STAM: variants seen among roughly 807,000 people sequenced by gnomAD.
STAM encodes signal transducing adaptor molecule.
STAM carries 16 observed loss-of-function variants against 63.4 expected under a neutral mutation model. The ratio of observed to expected loss-of-function variants is 0.25; its 90% CI spans 0.17 to 0.38. The LOEUF is 0.38. STAM is among the 10% of genes least tolerant of loss of function. STAM has a pLI of 1.00. For synonymous variants in STAM, 238 were observed against 223.9 expected, an observed-to-expected ratio of 1.06 and a Z score of -0.56; for missense variants, 636 against 657.1, an observed-to-expected ratio of 0.97 and a Z score of 0.35.
chr10:17,655,503 C>T (rs1293151409), intron 1 of STAM, among the ~76,000 whole-genome samples: 2 of 152,130 alleles, frequency 1.3e-5, no homozygotes, highest in African/African-American at 4.8e-5. Flanking sequence ...TAGTGACTAA[C>T]TAGCAGGTGA....
At chr10:17,701,498 T>A in intron 9 of STAM, among the ~76,000 whole-genome samples, 1 of 152,328 alleles carries the variant, frequency 6.6e-6, no homozygotes, top group Non-Finnish European at 1.5e-5. Context: ...GTTTATATAT[T>A]GTTTGGCTGC....
At chr10:17,686,379 T>A (rs1375191670) in intron 4 of STAM, among the ~76,000 whole-genome samples, 1 of 107,550 alleles carries the variant, frequency 9.3e-6, no homozygotes, top group Non-Finnish European at 2.1e-5. Context: ...ACATCCCGCC[T>A]TTTTTTTTTT....
chr10:17,691,457 G>A (rs1447748497), intron 5 of STAM, among the ~76,000 whole-genome samples: 1 of 152,210 alleles, frequency 6.6e-6, no homozygotes, highest in Non-Finnish European at 1.5e-5. Context: ...GGCGGAGCTT[G>A]CAGTGAGCCA....
chr10:17,675,433 AGTGGAGGT>A (rs1554824542), intron 2 of STAM, among the ~76,000 whole-genome samples: 1 of 150,920 alleles, frequency 6.6e-6, no homozygotes, highest in Non-Finnish European at 1.5e-5. Flanking sequence ...GAACCCGGGA[AGTGGAGGT>A]TGCAGTGAAC....
chr10:17,690,354 G>A (rs962375319), intron 5 of STAM, among the ~76,000 whole-genome samples: 2 of 152,196 alleles, frequency 1.3e-5, no homozygotes, highest in African/African-American at 4.8e-5. Flanking sequence ...TCAGGACATA[G>A]AAGAGCAATA....
rs190835237 is a variant in STAM at position 17,650,808 on chromosome 10, A to G, written c.40+6429A>G. Among the ~76,000 whole-genome samples, 1,078 of 152,234 alleles carry G rather than the reference A, an allele frequency of 7.1e-3. 4 individuals are homozygous for G. The highest frequency in any genetic ancestry group is 0.024 in the Middle Eastern group (7 of 294). On this transcript the variant is annotated intron_variant, in intron 1 of 13. Coordinates refer to ENST00000377524, the MANE Select transcript of STAM (RefSeq NM_003473.4). ...GGGCTGGGCGCGGTGGCTCACGCCT[A>G]TAATCCCAGCACTTTGGGAGGCCGA...
intron 12 of STAM, among the ~76,000 whole-genome samples, chr10:17,706,311 TAC>T (rs1404928670): frequency 2.0e-5 from 3 of 149,838 alleles, no homozygotes; most frequent in African/African-American, 4.9e-5. Flanking sequence ...TGAAAAAAAT[TAC>T]AGATATATCC....
chr10:17,695,227 A>C lies in STAM; in HGVS notation c.714A>C (p.Thr238=). 4 of 1,613,656 alleles carry C rather than the reference A, an allele frequency of 2.5e-6. No individual in the cohort carries two copies. The highest frequency in any genetic ancestry group is 3.4e-6 in the Non-Finnish European group (4 of 1,179,798). ...ELTFKAGEII[T]VLDDSDPNWW... is the part of the protein sequence containing the mutation. ...CTTTTAAAGCTGGAGAAATTATTACAGTTCTTGATGACAGGTAATGTTAAT... is the reference window on the plus strand; with the variant it reads ...CTTTTAAAGCTGGAGAAATTATTACCGTTCTTGATGACAGGTAATGTTAAT... The change falls in exon 7 of 14, where the codon ACA becomes ACC. Residue 238 remains threonine, a synonymous_variant. Transcript: ENST00000377524.
intron 1 of STAM, among the ~76,000 whole-genome samples, chr10:17,651,601 C>A (rs1833744847): frequency 6.6e-6 from 1 of 152,094 alleles, no homozygotes. Flanking sequence ...GTTATCATTT[C>A]TGTTTTATGT....
intron 9 of STAM, among the ~76,000 whole-genome samples, chr10:17,703,441 A>G (rs1278434185): frequency 6.6e-6 from 1 of 151,834 alleles, no homozygotes; most frequent in Non-Finnish European, 1.5e-5. Flanking sequence ...TTAAATAATT[A>G]CTTTGCTTAG....
intron 7 of STAM, 140 bp from the exon 8 acceptor site, chr10:17,696,635 A>G (rs547641301): frequency 5.3e-4 from 303 of 575,230 alleles, no homozygotes; most frequent in African/African-American, 5.2e-3. Context: ...TTTGTAATAA[A>G]GGAAGATTCA....
At chr10:17,678,863 A>G (rs1409497173) in intron 2 of STAM, among the ~76,000 whole-genome samples, 1 of 152,126 alleles carries the variant, frequency 6.6e-6, no homozygotes, top group East Asian at 1.9e-4. Flanking sequence ...ACCTCATGGA[A>G]GTGGAAACAT....
intron 5 of STAM, among the ~76,000 whole-genome samples, chr10:17,689,966 A>T (rs1428071465): frequency 6.6e-6 from 1 of 152,238 alleles, no homozygotes; most frequent in Non-Finnish European, 1.5e-5. Flanking sequence ...CCACAAAGGG[A>T]CTTACTCTTG....
intron 1 of STAM, 79 bp downstream of exon 1, chr10:17,644,458 C>A: frequency 1.3e-6 from 2 of 1,567,318 alleles, no homozygotes; most frequent in Non-Finnish European, 1.8e-6. Context: ...GCATTCAGGA[C>A]CCTCGGGCCA....
At chr10:17,659,065 G>A (rs1293959373) in intron 1 of STAM, among the ~76,000 whole-genome samples, 1 of 151,660 alleles carries the variant, frequency 6.6e-6, no homozygotes, top group Non-Finnish European at 1.5e-5. Flanking sequence ...CAGTTTGCAT[G>A]ATTCCATTTT....
chr10:17,706,791 A>G (rs1235331071), intron 12 of STAM, among the ~76,000 whole-genome samples: 2 of 152,176 alleles, frequency 1.3e-5, no homozygotes, highest in Non-Finnish European at 2.9e-5. Context: ...ACATATCTCA[A>G]TAAAGTAGTT....
chr10:17,704,984 A>G lies in STAM; in HGVS notation c.1015A>G (p.Met339Val), dbSNP rs1188944391. 1 of 1,613,114 alleles carries G rather than the reference A, an allele frequency of 6.2e-7. No individual in the cohort carries two copies. The highest frequency in any genetic ancestry group is 1.7e-5 in the Admixed American group (1 of 59,960). ...TGTCATTTTAGCAATGTGTCACCAG[A>G]TGGGACCTCTCATTGATGAAAAGCT... Reference protein sequence around the residue: ...LLHLEAMCHQMGPLIDEKLED... With the variant: ...LLHLEAMCHQVGPLIDEKLED... Residue 339 changes from methionine to valine, a missense_variant, in exon 11 of 14, where the codon ATG becomes GTG. Physicochemically the swap from Met to Val is conservative, Grantham distance 21 (BLOSUM62 1). Coordinates refer to ENST00000377524, the MANE Select transcript of STAM (RefSeq NM_003473.4).
intron 9 of STAM, among the ~76,000 whole-genome samples, chr10:17,703,329 GA>G (rs1233679027): frequency 6.7e-6 from 1 of 149,864 alleles, no homozygotes; most frequent in Non-Finnish European, 1.5e-5. Flanking sequence ...GACTTGGGAA[GA>G]GTTTTTTTTT....
intron 2 of STAM, among the ~76,000 whole-genome samples, chr10:17,677,684 A>G (rs1834910598): frequency 6.6e-6 from 1 of 152,234 alleles, no homozygotes; most frequent in African/African-American, 2.4e-5. Context: ...AAAAAGTTTT[A>G]GGATTAAAAA....
Sources: gnomAD v4.1 joint callset for allele counts (sites outside exome capture counted in the v4.1 genomes callset) on GRCh38, gnomAD v4.1.1 for gene constraint, MANE v1.5 for transcripts, NCBI Gene and HGNC (gene_info 2026-07-23, HGNC 2026-07-21) for gene names.